MRPS18A: variants seen among roughly 807,000 people sequenced by gnomAD.
The protein encoded by MRPS18A is large ribosomal subunit protein mL66.
A neutral mutation model predicts 22.7 loss-of-function variants in MRPS18A; 20 were observed. The observed-to-expected ratio is 0.88, with a 90% CI of 0.62 to 1.28. The LOEUF is 1.28. Ranked by LOEUF, MRPS18A falls within the 50% of genes most tolerant of loss-of-function variation. The probability of loss-of-function intolerance (pLI) is 0.00; values close to 1 mark genes in which losing one functional copy is unlikely to be tolerated. For synonymous variants in MRPS18A, 106 were observed against 99.1 expected, an observed-to-expected ratio of 1.07 and a Z score of -0.41; for missense variants, 294 against 262.6, an observed-to-expected ratio of 1.12 and a Z score of -0.83.
intron 1 of MRPS18A, among the ~76,000 whole-genome samples, chr6:43,686,682 T>C (rs374070189): frequency 3.9e-5 from 6 of 152,328 alleles, no homozygotes; most frequent in African/African-American, 1.4e-4. Flanking sequence ...ACTGGATACT[T>C]CTCAGCTTTC....
intron 3 of MRPS18A, 151 bp from the exon 4 acceptor site, chr6:43,675,768 G>T: frequency 2.3e-6 from 2 of 872,032 alleles, no homozygotes; most frequent in Non-Finnish European, 3.3e-6. Flanking sequence ...ACATGGGTCT[G>T]CTACCTTCAC....
intron 1 of MRPS18A, among the ~76,000 whole-genome samples, chr6:43,685,153 C>A (rs561112949): frequency 1.3e-5 from 2 of 152,144 alleles, no homozygotes; most frequent in South Asian, 4.1e-4. Flanking sequence ...CCCCTTGGAA[C>A]GGCATTTCCT....
At chr6:43,683,818 C>T (rs148306690) in intron 1 of MRPS18A, among the ~76,000 whole-genome samples, 22 of 152,302 alleles carry the variant, frequency 1.4e-4, no homozygotes, top group African/African-American at 5.1e-4. Flanking sequence ...GAATAGGAGC[C>T]ACAGTCTTTG....
chr6:43,671,612 T>C lies in MRPS18A; in HGVS notation c.*150A>G. 2 of 882,210 alleles carry C rather than the reference T, an allele frequency of 2.3e-6. No individual in the cohort carries two copies. Among genetic ancestry groups the C allele is most frequent in the Non-Finnish European group, 3.5e-6 (2 of 567,756 alleles). 54.6% of individuals were successfully genotyped at this position (882,210 alleles called of 1,614,324 possible). A position where few individuals can be genotyped will look rare whatever the true frequency, so the allele number is the denominator to read the frequency against. ...CTGTGCAGGCCAAGGGTACTGAAGT[T>C]AGTCCCACTGTCCCCTGTCCATGCA... On this transcript the variant is annotated 3_prime_UTR_variant, in exon 6 of 6. Transcript: ENST00000372133.
Position 43,671,741 on chromosome 6 carries a change from C to T in MRPS18A, c.*21G>A, listed in dbSNP as rs1392216682. The T allele has an allele frequency of 6.2e-7, 1 of 1,614,092 alleles. No individual in the cohort carries two copies. The highest frequency in any genetic ancestry group is 1.7e-5 in the Admixed American group (1 of 60,030). ...CTCCCCAGCACAGGTGCAGGAGGAA[C>T]TCTGGAAGCACTGCTCTCTGTCAGT... On this transcript the variant is annotated 3_prime_UTR_variant, in exon 6 of 6. Coordinates refer to ENST00000372133, the MANE Select transcript of MRPS18A (RefSeq NM_018135.4).
In MRPS18A at chr6:43,678,536, C is replaced by T; in HGVS notation, c.234G>A (p.Lys78=). 6.2e-7 allele frequency: 1 copy of T among 1,612,804 alleles called. No individual in the cohort carries two copies. Among genetic ancestry groups the T allele is most frequent in the Non-Finnish European group, 8.5e-7 (1 of 1,178,844 alleles). Residue 78 remains lysine, a synonymous_variant, in exon 3 of 6, where the codon AAG becomes AAA. Coordinates refer to ENST00000372133, the MANE Select transcript of MRPS18A (RefSeq NM_018135.4). The part of the protein sequence containing the change: ...GQCPICRWNL[K]HKYNYDDVLL... ...GACTCACGTCATAGTTATACTTGTG[C>T]TTCAGGTTCCAACGGCAGATGGGGC...
chr6:43,675,562 T>C lies in MRPS18A; in HGVS notation c.308A>G (p.Lys103Arg), dbSNP rs1774006724. Residue 103 changes from lysine to arginine, a missense_variant, in exon 4 of 6, where the codon AAG becomes AGG. Coordinates refer to ENST00000372133, the MANE Select transcript of MRPS18A (RefSeq NM_018135.4). ...IRPHGGMLPR[K>R]ITGLCQEEHR... The stretch of plus-strand genomic sequence containing the variant: ...TTCTTCCTGGCATAGGCCTGTGATC[T>C]TTCGGGGCAGCATGCCTCCATGAGG... 1 of 1,614,050 alleles carries C rather than the reference T, an allele frequency of 6.2e-7. No homozygotes were observed. The highest frequency in any genetic ancestry group is 8.5e-7 in the Non-Finnish European group (1 of 1,180,004).
chr6:43,674,670 CCTT>C (rs1773950199), intron 5 of MRPS18A, among the ~76,000 whole-genome samples: 2 of 152,220 alleles, frequency 1.3e-5, no homozygotes, highest in Non-Finnish European at 1.5e-5. Flanking sequence ...GCCATCCTCT[CCTT>C]CTCTGTATGA....
intron 3 of MRPS18A, among the ~76,000 whole-genome samples, chr6:43,677,579 C>T (rs1392617363): frequency 6.6e-6 from 1 of 152,088 alleles, no homozygotes; most frequent in Non-Finnish European, 1.5e-5. Flanking sequence ...GTCCTTAGTC[C>T]CACGCCCTCC....
In MRPS18A at chr6:43,671,764, AGT is replaced by A. The variant is rs765222998; in HGVS notation, c.587_588del (p.His196LeufsTer66). The A allele has an allele frequency of 6.2e-7, 1 of 1,614,228 alleles. No homozygotes were observed. The highest frequency in any genetic ancestry group is 2.2e-5 in the East Asian group (1 of 44,894). On this transcript the variant is annotated frameshift_variant, in exon 6 of 6. Transcript: ENST00000372133. LOFTEE classifies it high-confidence loss of function. ...AACTCTGGAAGCACTGCTCTCTGTC[AGT>A]GATACAGCTTCCAAGGTGTTCTTGA... ...CYSRTPWKLY[H>X]
chr6:43,683,683 G>C (rs1014694783), intron 1 of MRPS18A, among the ~76,000 whole-genome samples: 8 of 152,264 alleles, frequency 5.3e-5, no homozygotes, highest in South Asian at 2.1e-4. Context: ...CTGGAACTAA[G>C]GGCCAAAATC....
Position 43,687,701 on chromosome 6 carries a change from A to C in MRPS18A, c.79T>G (p.Trp27Gly). Residue 27 changes from tryptophan (W) to glycine (G), a missense_variant, in exon 1 of 6, where the codon TGG (tryptophan) becomes GGG (glycine). Transcript: ENST00000372133. ...AACCCGCGAGCTGGAAGCCGAGACC[A>C]GCTGGTCGCTGCCGGGCCCGCTAGT... is the stretch of plus-strand genomic sequence containing the variant. Reference protein sequence around the residue: ...GLLAGPAATSWSRLPARGFRE... With the variant: ...GLLAGPAATSGSRLPARGFRE... 6.3e-7 allele frequency: 1 copy of C among 1,584,180 alleles called. No individual in the cohort carries two copies. Among genetic ancestry groups the C allele is most frequent in the Non-Finnish European group, 8.6e-7 (1 of 1,165,300 alleles).
intron 5 of MRPS18A, among the ~76,000 whole-genome samples, chr6:43,674,490 A>G (rs1327286877): frequency 6.6e-6 from 1 of 152,212 alleles, no homozygotes; most frequent in Non-Finnish European, 1.5e-5. Flanking sequence ...TCTACTCTCA[A>G]CAAGGGGATA....
chr6:43,687,731 C>T lies in MRPS18A; in HGVS notation c.49G>A (p.Gly17Arg), dbSNP rs867641607. The T allele has an allele frequency of 3.1e-6, 5 of 1,588,156 alleles. No individual in the cohort carries two copies. The Middle Eastern group carries it at 5.0e-4, about 158-fold the overall frequency. Reference sequence around the variant, plus strand: ...GTCGCTGCCGGGCCCGCTAGTAGCCCACGGAGAAGCCGCCCACAGCCGGAC... The same window carrying T: ...GTCGCTGCCGGGCCCGCTAGTAGCCTACGGAGAAGCCGCCCACAGCCGGAC... The part of the protein sequence containing the change: ...LVSGCGRLLR[G>R]LLAGPAATSW... Residue 17 changes from glycine (G) to arginine (R), a missense_variant, in exon 1 of 6, where the codon GGG becomes AGG. Gly to Arg is a moderately radical substitution (Grantham distance 125). Transcript: ENST00000372133.
In MRPS18A at chr6:43,687,762, A is replaced by G. The variant is rs758701439; in HGVS notation, c.18T>C (p.Ala6=). The G allele has an allele frequency of 9.5e-6, 15 of 1,579,526 alleles. No homozygotes were observed. Among genetic ancestry groups the G allele is most frequent in the South Asian group, 3.5e-5 (3 of 86,508 alleles). MAALK[A]LVSGCGRLLR... ...GAAGCCGCCCACAGCCGGACACCAG[A>G]GCCTTGAGGGCCGCCATCTTCAAAA... The change falls in exon 1 of 6, where the codon GCT becomes GCC. Residue 6 remains alanine, a synonymous_variant. Transcript: ENST00000372133.
intron 5 of MRPS18A, 109 bp from the exon 6 acceptor site, chr6:43,672,015 CTTTCACCA>C: frequency 7.8e-7 from 1 of 1,276,192 alleles, no homozygotes; most frequent in Non-Finnish European, 1.1e-6. Context: ...CAAGCAAATC[CTTTCACCA>C]GTTTCCCTTT....
At chr6:43,686,255 G>GTA (rs1433187758) in intron 1 of MRPS18A, among the ~76,000 whole-genome samples, 1 of 152,222 alleles carries the variant, frequency 6.6e-6, no homozygotes, top group African/African-American at 2.4e-5. Context: ...TATGCAAATT[G>GTA]TAGCCAATAG....
chr6:43,672,413 C>A (rs926960097), intron 5 of MRPS18A: 5 of 471,304 alleles, frequency 1.1e-5, no homozygotes, highest in African/African-American at 2.0e-5. Flanking sequence ...GGGGTAAGGG[C>A]CCGTGGGCGC....
intron 1 of MRPS18A, among the ~76,000 whole-genome samples, chr6:43,684,910 A>G (rs927568330): frequency 5.3e-5 from 8 of 152,212 alleles, no homozygotes; most frequent in African/African-American, 1.9e-4. Flanking sequence ...TAAGAGGGAT[A>G]AGGGAGGAAT....
Sources: gnomAD v4.1 joint callset for allele counts (sites outside exome capture counted in the v4.1 genomes callset) on GRCh38, gnomAD v4.1.1 for gene constraint, MANE v1.5 for transcripts, NCBI Gene and HGNC (gene_info 2026-07-23, HGNC 2026-07-21) for gene names.